Variants in NSD3 observed in about 807,000 individuals in gnomAD.
NSD3 encodes histone-lysine N-methyltransferase NSD3.
A neutral mutation model predicts 160.8 loss-of-function variants in NSD3; 24 were observed. That is an observed-to-expected ratio of 0.15 (90% CI 0.11 to 0.21). The LOEUF is 0.21. NSD3 is among the 10% of genes least tolerant of loss of function. The pLI, the probability that NSD3 is intolerant of heterozygous loss-of-function variation, is 1.00. For synonymous variants in NSD3, 520 were observed against 600.0 expected (o/e 0.87, Z 1.95); for missense variants, 1,157 against 1,735.9 (o/e 0.67, Z 5.93).
At chr8:38,363,292 T>C (rs1020896061) in intron 1 of NSD3, among the ~76,000 whole-genome samples, 1 of 152,170 alleles carries the variant, frequency 6.6e-6, no homozygotes, top group Non-Finnish European at 1.5e-5. Flanking sequence ...ATCCTTATCA[T>C]CCTTTTGGTG....
intron 1 of NSD3, among the ~76,000 whole-genome samples, chr8:38,364,836 G>T (rs566551847): frequency 5.3e-5 from 8 of 152,212 alleles, no homozygotes; most frequent in Admixed American, 2.6e-4. Flanking sequence ...CCATCACAAA[G>T]AATTATATTA....
chr8:38,379,345 A>C (rs1811482469), intron 1 of NSD3, among the ~76,000 whole-genome samples: 1 of 151,452 alleles, frequency 6.6e-6, no homozygotes, highest in South Asian at 2.1e-4. Context: ...TTTTCTATTT[A>C]ATGATTGCTT....
chr8:38,278,160 G>T lies in NSD3; in HGVS notation c.3867+146C>A, dbSNP rs535475385. On this transcript the variant is annotated intron_variant, in intron 22 of 23. Transcript: ENST00000317025. ...TCACCGTGTTAGCCAGGATGGTCTCGATCTCCTGACCTCGTGATCTGCCCG... is the reference window on the plus strand; with the variant it reads ...TCACCGTGTTAGCCAGGATGGTCTCTATCTCCTGACCTCGTGATCTGCCCG... 1.0e-4 allele frequency: 54 copies of T among 527,440 alleles called. No individual in the cohort carries two copies. In the South Asian group the frequency reaches 1.4e-3, roughly 14 times the overall value. 32.7% of individuals were successfully genotyped at this position (527,440 alleles called of 1,614,324 possible). A position where few individuals can be genotyped will look rare whatever the true frequency, so the allele number is the denominator to read the frequency against.
At chr8:38,308,873 T>C (rs540368268) in intron 12 of NSD3, among the ~76,000 whole-genome samples, 7 of 152,156 alleles carry the variant, frequency 4.6e-5, no homozygotes, top group African/African-American at 1.7e-4. Context: ...CTAATATAAA[T>C]GAAAATAGTG....
At chr8:38,377,800 G>A (rs1811430946) in intron 1 of NSD3, among the ~76,000 whole-genome samples, 1 of 152,112 alleles carries the variant, frequency 6.6e-6, no homozygotes, top group South Asian at 2.1e-4. Context: ...CGGCACGGTG[G>A]TGCATGCCTG....
chr8:38,360,095 A>C (rs1016364299), intron 1 of NSD3, among the ~76,000 whole-genome samples: 1 of 151,050 alleles, frequency 6.6e-6, no homozygotes, highest in Non-Finnish European at 1.5e-5. Context: ...TCCTGGGCTC[A>C]GGTGATTCTC....
chr8:38,295,718 A>C (rs1464252823), intron 16 of NSD3, 78 bp downstream of exon 16: 2 of 1,387,008 alleles, frequency 1.4e-6, no homozygotes, highest in Non-Finnish European at 2.0e-6. Flanking sequence ...ATCTATCTCC[A>C]AGTCACTCTG....
chr8:38,316,658 G>A lies in NSD3; in HGVS notation c.1856-616C>T, dbSNP rs1364292155. 2 of 1,053,462 alleles carry A rather than the reference G, an allele frequency of 1.9e-6. No individual in the cohort carries two copies. Among genetic ancestry groups the A allele is most frequent in the Non-Finnish European group, 2.3e-6 (2 of 871,934 alleles). 65.3% of individuals were successfully genotyped at this position (1,053,462 alleles called of 1,614,324 possible). A position where few individuals can be genotyped will look rare whatever the true frequency, so the allele number is the denominator to read the frequency against. On this transcript the variant is annotated intron_variant, in intron 9 of 23. Coordinates refer to ENST00000317025, the MANE Select transcript of NSD3 (RefSeq NM_023034.2). This position sits in a 1 kb window ranked among gnomAD's most constrained non-coding sequence, Gnocchi z 4.5. The stretch of plus-strand genomic sequence containing the variant: ...GCTGCAGCACATCTACATATGTCAT[G>A]CCATTTAGAAGGCACATTGCTGAGG...
intron 1 of NSD3, among the ~76,000 whole-genome samples, chr8:38,373,478 G>A (rs183384009): frequency 6.6e-6 from 1 of 151,972 alleles, no homozygotes; most frequent in East Asian, 1.9e-4. Context: ...AACGTAAAAG[G>A]CTTTAAAATG....
intron 1 of NSD3, among the ~76,000 whole-genome samples, chr8:38,361,285 C>T (rs1303386092): frequency 1.3e-5 from 2 of 151,452 alleles, no homozygotes; most frequent in Non-Finnish European, 2.9e-5. Context: ...TGAGCCACCA[C>T]GCCCAGCCTA....
intron 6 of NSD3, among the ~76,000 whole-genome samples, chr8:38,328,192 G>T (rs1333845834): frequency 1.3e-5 from 2 of 151,596 alleles, no homozygotes; most frequent in African/African-American, 2.4e-5. Flanking sequence ...CTCTTAAAAA[G>T]GAAAAAAATA....
At chr8:38,322,728 T>G (rs560599046) in intron 7 of NSD3, among the ~76,000 whole-genome samples, 1 of 152,306 alleles carries the variant, frequency 6.6e-6, no homozygotes, top group East Asian at 1.9e-4. Flanking sequence ...GTTTGGAAAA[T>G]AACTTTGAAA....
chr8:38,324,959 G>A (rs927875626), intron 7 of NSD3, among the ~76,000 whole-genome samples: 1 of 152,188 alleles, frequency 6.6e-6, no homozygotes, highest in African/African-American at 2.4e-5. Flanking sequence ...CATATACCTT[G>A]CCCTGTGCAT....
At position 38,374,073 on chromosome 8, in the gene NSD3, C is replaced by A. The variant is rs1490258325; in HGVS notation, c.-45+7726G>T. Among the ~76,000 whole-genome samples, 3 of 151,644 alleles carry A rather than the reference C, an allele frequency of 2.0e-5. No homozygotes were observed. The East Asian group carries it at 5.8e-4, about 29-fold the overall frequency. ...GAGGCTGCAGTGAGCCATGACTGTG[C>A]CACTGCACTCCAGCCTAGGTGGTAG... On this transcript the variant is annotated intron_variant, in intron 1 of 23. Coordinates refer to ENST00000317025, the MANE Select transcript of NSD3 (RefSeq NM_023034.2).
intron 2 of NSD3, among the ~76,000 whole-genome samples, chr8:38,341,067 AGT>A (rs1353658276): frequency 6.6e-6 from 1 of 152,158 alleles, no homozygotes; most frequent in Admixed American, 6.5e-5. Context: ...TATGCCTCAG[AGT>A]TCAAGGCTTC....
At chr8:38,335,069 A>C (rs1173341533) in intron 4 of NSD3, among the ~76,000 whole-genome samples, 1 of 144,570 alleles carries the variant, frequency 6.9e-6, no homozygotes, top group East Asian at 2.1e-4. Flanking sequence ...CTGCAACCGC[A>C]ACCTCCACCT....
In NSD3 at chr8:38,304,571, A is replaced by G; in HGVS notation, c.2611+16T>C. The G allele has an allele frequency of 1.9e-6, 3 of 1,596,356 alleles. No homozygotes were observed. The Middle Eastern group carries it at 5.1e-4, about 273-fold the overall frequency. ...ATGACCTCAAAAATAAATGAAGAGA[A>G]AAGTCAGACACTCACCTCTGGCACA... On this transcript the variant is annotated intron_variant, in intron 14 of 23. Transcript: ENST00000317025.
chr8:38,283,964 G>T (rs1808794900), intron 19 of NSD3, among the ~76,000 whole-genome samples: 1 of 152,078 alleles, frequency 6.6e-6, no homozygotes, highest in South Asian at 2.1e-4. Flanking sequence ...TCAGCCAGGT[G>T]TGGTGGTGCA....
chr8:38,280,589 C>G (rs1415295124), intron 20 of NSD3, among the ~76,000 whole-genome samples: 2 of 152,102 alleles, frequency 1.3e-5, no homozygotes, highest in Non-Finnish European at 1.5e-5. Flanking sequence ...GTCAACAAAT[C>G]ACTTATCATG....
Sources: allele counts gnomAD v4.1 joint callset (sites outside exome capture counted in the v4.1 genomes callset), GRCh38; gene constraint gnomAD v4.1.1; non-coding constraint Gnocchi (gnomAD v3.1); transcripts MANE v1.5; gene names NCBI Gene and HGNC (gene_info 2026-07-23, HGNC 2026-07-21).